CCM2: variants seen among roughly 807,000 people sequenced by gnomAD.
The protein encoded by CCM2 is cerebral cavernous malformations 2 protein.
In CCM2, 25 loss-of-function variants were observed where a neutral mutation model predicts 44.9. That is an observed-to-expected ratio of 0.56 (90% confidence interval 0.41 to 0.78). The LOEUF is 0.78. Among genes scored for constraint, CCM2 ranks in the 30% least tolerant of loss-of-function variants. The probability of loss-of-function intolerance (pLI) is 0.00; values close to 1 mark genes in which losing one functional copy is unlikely to be tolerated. For synonymous variants in CCM2, 219 were observed against 241.1 expected, an observed-to-expected ratio of 0.91 and a Z score of 0.85; for missense variants, 481 against 580.6, an observed-to-expected ratio of 0.83 and a Z score of 1.76.
At chr7:45,001,875 TATTA>T (rs746575587) in intron 1 of CCM2, among the ~76,000 whole-genome samples, 13 of 152,156 alleles carry the variant, frequency 8.5e-5, no homozygotes, top group Non-Finnish European at 1.8e-4. Context: ...ACAGGTTAAT[TATTA>T]ATTTCATTTT....
intron 2 of CCM2, among the ~76,000 whole-genome samples, chr7:45,042,294 TCTGAGGGC>T (rs1753894987): frequency 7.1e-6 from 1 of 141,680 alleles, no homozygotes; most frequent in African/African-American, 2.7e-5. Flanking sequence ...TCCCTTCCCT[TCTGAGGGC>T]CTAGGTTAAA....
At chr7:45,015,403 G>T (rs1235164422) in intron 1 of CCM2, among the ~76,000 whole-genome samples, 1 of 152,142 alleles carries the variant, frequency 6.6e-6, no homozygotes, top group Non-Finnish European at 1.5e-5. Context: ...CCCACAGTTT[G>T]CTGTTGGGGA....
chr7:45,038,174 A>G, intron 1 of CCM2, 79 bp from the exon 2 acceptor site: 1 of 1,562,234 alleles, frequency 6.4e-7, no homozygotes, highest in Non-Finnish European at 8.8e-7. Flanking sequence ...AGTTTTGGCT[A>G]CTTCTGTTTG....
In CCM2 at chr7:45,064,519, G is replaced by T. The variant is rs1400768876; in HGVS notation, c.345G>T (p.Leu115=). 4 of 1,613,790 alleles carry T rather than the reference G, an allele frequency of 2.5e-6. No homozygotes were observed. In the Admixed American group the frequency reaches 5.0e-5, roughly 20 times the overall value. Residue 115 remains leucine (L), a synonymous_variant, in exon 4 of 10, where the codon CTG becomes CTT. Transcript: ENST00000258781. The part of the protein sequence containing the change: ...LTQEHDAVLS[L]SAYNVKLAWR... ...AGGAGCACGATGCTGTGCTCAGCCT[G>T]TCTGCGTACAACGTCAAGCTGGCCT...
intron 2 of CCM2, among the ~76,000 whole-genome samples, chr7:45,061,504 G>C (rs1583961999): frequency 9.2e-6 from 1 of 108,418 alleles, no homozygotes. Context: ...TTTATATGTT[G>C]GTTGGGAAAC....
In CCM2 at chr7:45,068,284, G is replaced by C. The variant is rs116722057; in HGVS notation, c.473-159G>C. Reference sequence around the variant, plus strand: ...TCCCACCCTTATTTAGAGAAGCGAAGTGTGTCTGGTGCAGGCCCTTCACCT... The same window carrying C: ...TCCCACCCTTATTTAGAGAAGCGAACTGTGTCTGGTGCAGGCCCTTCACCT... On this transcript the variant is annotated intron_variant, in intron 4 of 9. Transcript: ENST00000258781. 2,309 of 865,326 alleles carry C rather than the reference G, an allele frequency of 2.7e-3. 30 individuals are homozygous for C. In the African/African-American group the frequency reaches 0.033, roughly 12 times the overall value. 53.6% of individuals were successfully genotyped at this position (865,326 alleles called of 1,614,324 possible).
chr7:45,017,600 G>A (rs1269488757), intron 1 of CCM2, among the ~76,000 whole-genome samples: 5 of 152,214 alleles, frequency 3.3e-5, no homozygotes, highest in Non-Finnish European at 5.9e-5. Context: ...TGGCACGGTC[G>A]TAGGTCTTGT....
At chr7:45,027,709 A>C (rs754697580) in intron 1 of CCM2, 3 of 1,614,022 alleles carry the variant, frequency 1.9e-6, no homozygotes, top group Admixed American at 3.3e-5. Flanking sequence ...TAGAGAATGC[A>C]TAGTAGCTGT....
chr7:45,027,501 CTT>C lies in CCM2; in HGVS notation c.31-10748_31-10747del, dbSNP rs908056805. 8.3e-6 allele frequency: 7 copies of C among 847,792 alleles called. No individual in the cohort carries two copies. In the African/African-American group the frequency reaches 1.0e-4, roughly 12 times the overall value. The allele number at this position is 847,792 out of a possible 1,614,324, so 52.5% of individuals were successfully genotyped here. ...GAAAATGAGCTGGTTTACTTTGTGT[CTT>C]TTTGTGCATGCAGACTGTTTGGATT... is the stretch of plus-strand genomic sequence containing the variant. On this transcript the variant is annotated intron_variant, in intron 1 of 9. Transcript: ENST00000258781.
At chr7:45,059,624 G>A (rs1044004298) in intron 2 of CCM2, among the ~76,000 whole-genome samples, 6 of 151,978 alleles carry the variant, frequency 3.9e-5, no homozygotes, top group East Asian at 1.9e-4. Context: ...TGGCATGTGC[G>A]TGTAGTCTCA....
At chr7:45,031,164 C>G (rs1469649554) in intron 1 of CCM2, among the ~76,000 whole-genome samples, 1 of 151,618 alleles carries the variant, frequency 6.6e-6, no homozygotes, top group Non-Finnish European at 1.5e-5. Context: ...GGGTAGATCA[C>G]TTGAGGTCAG....
At chr7:45,005,873 G>A (rs1307043281) in intron 1 of CCM2, among the ~76,000 whole-genome samples, 1 of 152,236 alleles carries the variant, frequency 6.6e-6, no homozygotes, top group Non-Finnish European at 1.5e-5. Flanking sequence ...AGATGAGGTG[G>A]AGAGGACCCC....
At chr7:45,036,011 C>T (rs926750796) in intron 1 of CCM2, among the ~76,000 whole-genome samples, 17 of 152,130 alleles carry the variant, frequency 1.1e-4, no homozygotes, top group Non-Finnish European at 1.9e-4. Flanking sequence ...GATTGTTAGC[C>T]TGTTGTGCAG....
intron 1 of CCM2, among the ~76,000 whole-genome samples, chr7:45,006,460 C>T (rs147331666): frequency 4.6e-5 from 7 of 152,222 alleles, no homozygotes; most frequent in African/African-American, 1.4e-4. Flanking sequence ...TCTCCTGCCT[C>T]GGCCTCCTGA....
chr7:45,033,347 G>A (rs1219202173), intron 1 of CCM2, among the ~76,000 whole-genome samples: 1 of 152,136 alleles, frequency 6.6e-6, no homozygotes, highest in East Asian at 1.9e-4. Context: ...AGTGTAGGTT[G>A]CATGTGGTTT....
chr7:45,045,251 A>G (rs1354244112), intron 2 of CCM2, among the ~76,000 whole-genome samples: 4 of 152,212 alleles, frequency 2.6e-5, no homozygotes, highest in African/African-American at 9.6e-5. Context: ...CCTGGTTTCC[A>G]TTCAGGCCCT....
chr7:45,021,877 C>A (rs981239465), intron 1 of CCM2, among the ~76,000 whole-genome samples: 11 of 152,134 alleles, frequency 7.2e-5, no homozygotes, highest in Non-Finnish European at 2.9e-5. Flanking sequence ...GGTTATGATT[C>A]ATTAGTGGCA....
At chr7:45,015,826 T>C (rs1158782771) in intron 1 of CCM2, among the ~76,000 whole-genome samples, 4 of 152,208 alleles carry the variant, frequency 2.6e-5, no homozygotes, top group Non-Finnish European at 5.9e-5. Context: ...GTCCTTGACA[T>C]GCATGCTGAC....
Position 45,003,002 on chromosome 7 carries a change from G to A in CCM2, c.30+2639G>A, listed in dbSNP as rs181735976. On this transcript the variant is annotated intron_variant, in intron 1 of 9. Coordinates refer to ENST00000258781, the MANE Select transcript of CCM2 (RefSeq NM_031443.4). ...AGAGTGTCTACTTTTTAGCCTACAA[G>A]TTCTGTTTTGGGGTTTGGAGAATAA... is the stretch of plus-strand genomic sequence containing the variant. 1.8e-3 allele frequency among the ~76,000 whole-genome samples: 278 copies of A among 152,328 alleles called. 1 individual carries two copies. The highest frequency in any genetic ancestry group is 2.4e-3 in the Non-Finnish European group (165 of 68,026).
Sources: gnomAD v4.1 joint callset for allele counts (sites outside exome capture counted in the v4.1 genomes callset) on GRCh38, gnomAD v4.1.1 for gene constraint, MANE v1.5 for transcripts, NCBI Gene and HGNC (gene_info 2026-07-23, HGNC 2026-07-21) for gene names.